Variants in PPFIA2 observed in about 807,000 individuals in gnomAD.
PPFIA2 encodes liprin-alpha-2.
PPFIA2 carries 46 observed loss-of-function variants against 175.5 expected under a neutral mutation model. That is an observed-to-expected ratio of 0.26 (90% CI 0.21 to 0.34). The LOEUF (loss-of-function observed/expected upper bound fraction) is 0.34, where lower values mean the gene tolerates loss of function less well. Among genes scored for constraint, PPFIA2 ranks in the 10% least tolerant of loss-of-function variants. The pLI is 1.00. For synonymous variants in PPFIA2, 568 were observed against 511.4 expected, an observed-to-expected ratio of 1.11 and a Z score of -1.49; for missense variants, 1,179 against 1,506.1, an observed-to-expected ratio of 0.78 and a Z score of 3.60.
intron 3 of PPFIA2, among the ~76,000 whole-genome samples, chr12:81,695,491 C>A (rs2075794416): frequency 6.6e-6 from 1 of 152,062 alleles, no homozygotes; most frequent in Admixed American, 6.6e-5. Context: ...TTGAAAGCTC[C>A]CTGAGGCTTC....
chr12:81,288,830 C>T (rs1350976704), intron 24 of PPFIA2, among the ~76,000 whole-genome samples: 3 of 151,672 alleles, frequency 2.0e-5, no homozygotes, highest in Non-Finnish European at 4.4e-5. Flanking sequence ...GATATTTACA[C>T]CTCACTCTCT....
chr12:81,268,063 C>A lies in PPFIA2; in HGVS notation c.3335G>T (p.Arg1112Leu), dbSNP rs1359637779. 6 of 1,597,046 alleles carry A rather than the reference C, an allele frequency of 3.8e-6. No homozygotes were observed. The highest frequency in any genetic ancestry group is 1.7e-4 in the Middle Eastern group (1 of 6,038). The change falls in exon 29 of 33, where the codon CGA becomes CTA. Residue 1112 changes from arginine to leucine, a missense_variant. Arg to Leu is a moderately radical substitution (Grantham distance 102). This residue lies in a region of PPFIA2 where 245 missense variants were observed against 375.1 expected (regional missense o/e 0.65). Coordinates refer to ENST00000549396, the MANE Select transcript of PPFIA2 (RefSeq NM_003625.5). Reference sequence around the variant, plus strand: ...AATTGCTTGTATCCAGCGAATAACTCGGTCATTGCTCCACACCAACACGTC... The same window carrying A: ...AATTGCTTGTATCCAGCGAATAACTAGGTCATTGCTCCACACCAACACGTC... ...IKDVLVWSNDRVIRWIQAIGL... is the reference protein window; with the variant it reads ...IKDVLVWSNDLVIRWIQAIGL...
At chr12:81,414,743 A>T (rs1247410403) in intron 7 of PPFIA2, among the ~76,000 whole-genome samples, 3 of 151,642 alleles carry the variant, frequency 2.0e-5, no homozygotes, top group Non-Finnish European at 3.0e-5. Context: ...TTAGATTATA[A>T]TGAAGTTGAA....
chr12:81,640,252 G>A (rs536424113), intron 4 of PPFIA2, among the ~76,000 whole-genome samples: 2 of 152,032 alleles, frequency 1.3e-5, no homozygotes, highest in Non-Finnish European at 2.9e-5. Flanking sequence ...TTACCTATAC[G>A]ATACATTGCA....
chr12:81,677,230 G>A (rs1444296315), intron 3 of PPFIA2, among the ~76,000 whole-genome samples: 1 of 151,588 alleles, frequency 6.6e-6, no homozygotes, highest in South Asian at 2.1e-4. Flanking sequence ...TATTTTTTAT[G>A]AATACATAAT....
intron 4 of PPFIA2, among the ~76,000 whole-genome samples, chr12:81,477,278 G>A (rs577603191): frequency 6.6e-6 from 1 of 150,854 alleles, no homozygotes; most frequent in South Asian, 2.1e-4. Flanking sequence ...CCTCAGGATT[G>A]AGAGAAAAGG....
At chr12:81,506,913 T>C (rs1034669822) in intron 4 of PPFIA2, among the ~76,000 whole-genome samples, 7 of 152,208 alleles carry the variant, frequency 4.6e-5, no homozygotes, top group African/African-American at 1.7e-4. Context: ...AGGCCAGATG[T>C]GGCCCTGATC....
chr12:81,367,082 G>A, intron 14 of PPFIA2, 26 bp downstream of exon 14: 2 of 1,452,792 alleles, frequency 1.4e-6, no homozygotes, highest in Non-Finnish European at 1.8e-6. Flanking sequence ...TAGAAAATGG[G>A]CCCAAAACAT....
chr12:81,389,822 G>A (rs753664963), intron 8 of PPFIA2, among the ~76,000 whole-genome samples: 52 of 152,036 alleles, frequency 3.4e-4, no homozygotes, highest in African/African-American at 1.0e-3. Context: ...GCCATAAAAC[G>A]CACCCTTTAA....
intron 3 of PPFIA2, among the ~76,000 whole-genome samples, chr12:81,748,971 CT>C (rs2083403923): frequency 6.9e-6 from 1 of 144,236 alleles, no homozygotes; most frequent in Non-Finnish European, 1.6e-5. Flanking sequence ...TCAAACAAAT[CT>C]TTTTTTCATT....
At chr12:81,638,125 T>C (rs2064360142) in intron 4 of PPFIA2, among the ~76,000 whole-genome samples, 1 of 152,158 alleles carries the variant, frequency 6.6e-6, no homozygotes, top group African/African-American at 2.4e-5. Context: ...CTTCTTCTTG[T>C]CATCTCATCC....
chr12:81,281,336 A>G lies in PPFIA2; in HGVS notation c.3133T>C (p.Leu1045=). The G allele has an allele frequency of 6.2e-7, 1 of 1,611,716 alleles. No individual in the cohort carries two copies. The highest frequency in any genetic ancestry group is 1.7e-5 in the Admixed American group (1 of 59,964). ...PQYRSYFMEC[L]VDARMLDHLT... Reference sequence around the variant, plus strand: ...TGATCTAACATTCTTGCATCTACCAAGCATTCCATAAAGTAACTTCTGTAC... The same window carrying G: ...TGATCTAACATTCTTGCATCTACCAGGCATTCCATAAAGTAACTTCTGTAC... The change falls in exon 27 of 33, where the codon TTG becomes CTG. Residue 1045 remains leucine, a synonymous_variant. Coordinates refer to ENST00000549396, the MANE Select transcript of PPFIA2 (RefSeq NM_003625.5).
intron 4 of PPFIA2, among the ~76,000 whole-genome samples, chr12:81,640,526 T>G (rs553626640): frequency 6.6e-6 from 1 of 152,278 alleles, no homozygotes; most frequent in South Asian, 2.1e-4. Flanking sequence ...TTTTCTTTAT[T>G]CACAACTTTT....
rs1422071614 is a variant in PPFIA2 at position 81,460,962 on chromosome 12, T to C, written c.304-3096A>G. Among the ~76,000 whole-genome samples the C allele has an allele frequency of 8.5e-5, 13 of 152,174 alleles. No homozygotes were observed. The East Asian group carries it at 2.5e-3, about 29-fold the overall frequency. ...CTGGGTGATTACGATAAGTTGTTTG[T>C]TTCCCCTGACCACATTTTCCCTTCT... On this transcript the variant is annotated intron_variant, in intron 4 of 32. Coordinates refer to ENST00000549396, the MANE Select transcript of PPFIA2 (RefSeq NM_003625.5).
chr12:81,459,447 A>T (rs1262585195), intron 4 of PPFIA2, among the ~76,000 whole-genome samples: 2 of 152,146 alleles, frequency 1.3e-5, no homozygotes, highest in African/African-American at 4.8e-5. Flanking sequence ...AAAACATAAC[A>T]TCTGTATATT....
At chr12:81,691,306 T>C in intron 3 of PPFIA2, among the ~76,000 whole-genome samples, 1 of 152,146 alleles carries the variant, frequency 6.6e-6, no homozygotes, top group East Asian at 1.9e-4. Context: ...GTGTTTTCTT[T>C]CCACATAAAT....
chr12:81,616,629 T>C (rs1362666263), intron 4 of PPFIA2, among the ~76,000 whole-genome samples: 2 of 152,208 alleles, frequency 1.3e-5, no homozygotes, highest in Non-Finnish European at 2.9e-5. Context: ...CAGAATTAAA[T>C]TTATTACATC....
intron 5 of PPFIA2, among the ~76,000 whole-genome samples, chr12:81,453,139 TC>T (rs1287580023): frequency 1.3e-5 from 1 of 79,206 alleles, no homozygotes; most frequent in African/African-American, 5.1e-5. Flanking sequence ...GTGCTATCCC[TC>T]CCCCCTCCCC....
intron 3 of PPFIA2, among the ~76,000 whole-genome samples, chr12:81,718,887 C>T (rs146472892): frequency 7.3e-5 from 11 of 151,514 alleles, no homozygotes; most frequent in South Asian, 4.2e-4. Flanking sequence ...AATTTCAGCA[C>T]GTTGGGAAAG....
Sources: allele counts gnomAD v4.1 joint callset (sites outside exome capture counted in the v4.1 genomes callset), GRCh38; gene constraint gnomAD v4.1.1; regional missense constraint gnomAD v4.1.1; transcripts MANE v1.5; gene names NCBI Gene and HGNC (gene_info 2026-07-23, HGNC 2026-07-21).